Variants in AGT observed in about 807,000 individuals in gnomAD.
AGT encodes alpha-1 antiproteinase, antitrypsin.
AGT carries 26 observed loss-of-function variants against 28.1 expected under a neutral mutation model. The observed-to-expected ratio is 0.92, with a 90% CI of 0.68 to 1.28. The LOEUF is 1.28. Ranked by LOEUF, AGT falls within the 50% of genes most tolerant of loss-of-function variation. The probability of loss-of-function intolerance (pLI) is 0.00; values close to 1 mark genes in which losing one functional copy is unlikely to be tolerated. For missense variants in AGT, 596 were observed against 592.3 expected (o/e 1.01, Z -0.06); for synonymous variants, 259 against 259.6 (o/e 1.00, Z 0.02).
chr1:230,740,534 A>G (rs994262307), intron 1 of AGT, among the ~76,000 whole-genome samples: 2 of 152,242 alleles, frequency 1.3e-5, no homozygotes, highest in Non-Finnish European at 2.9e-5. Flanking sequence ...AAGAAGAGAG[A>G]TAGAGTAAGA....
chr1:230,704,059 C>A, intron 4 of AGT, 134 bp downstream of exon 4: 1 of 1,363,658 alleles, frequency 7.3e-7, no homozygotes, highest in African/African-American at 1.4e-5. Context: ...TCTCTCCCAC[C>A]TTTGGCCCTA....
At chr1:230,738,643 C>T (rs988072464) in intron 1 of AGT, among the ~76,000 whole-genome samples, 7 of 152,238 alleles carry the variant, frequency 4.6e-5, no homozygotes, top group South Asian at 2.1e-4. Flanking sequence ...CTGGCTAATG[C>T]TACCTTGCCA....
chr1:230,744,573 G>A (rs958612083), intron 1 of AGT, among the ~76,000 whole-genome samples: 4 of 152,156 alleles, frequency 2.6e-5, no homozygotes, highest in Non-Finnish European at 5.9e-5. Context: ...TGGTTCTGGA[G>A]GATTGTTAAA....
rs765914094 is a variant in AGT, at chr1:230,702,854, C to T, written c.*287G>A. The T allele has an allele frequency of 5.9e-5, 27 of 456,586 alleles. 1 individual carries two copies. The highest frequency in any genetic ancestry group is 4.8e-4 in the East Asian group (13 of 27,098). 28.3% of individuals were successfully genotyped at this position (456,586 alleles called of 1,614,324 possible). On this transcript the variant is annotated 3_prime_UTR_variant, in exon 5 of 5. Transcript: ENST00000366667. ...AATTCTTTTTGGAACAGTAGTCCCG[C>T]GCTAAACACTGGTTCTTGCCTCCCC... is the stretch of plus-strand genomic sequence containing the variant.
intron 1 of AGT, among the ~76,000 whole-genome samples, chr1:230,740,272 G>A (rs1481554676): frequency 2.0e-5 from 3 of 152,164 alleles, no homozygotes; most frequent in South Asian, 4.1e-4. Context: ...GTTTTAGTGG[G>A]TTTTGGCAGC....
intron 3 of AGT, 120 bp from the exon 4 acceptor site, chr1:230,704,457 A>G (rs1048773872): frequency 1.5e-6 from 2 of 1,312,568 alleles, no homozygotes; most frequent in Non-Finnish European, 2.1e-6. Flanking sequence ...TGCTCCCCCC[A>G]TCACCCAACT....
chr1:230,744,929 A>G (rs1042374156), intron 1 of AGT, among the ~76,000 whole-genome samples: 1 of 152,170 alleles, frequency 6.6e-6, no homozygotes, highest in African/African-American at 2.4e-5. Context: ...TTCCCTGCCG[A>G]GGTGTCACCA....
In AGT at chr1:230,711,817, A is replaced by T. The variant is rs765186969; in HGVS notation, c.-30-964T>A. On this transcript the variant is annotated intron_variant, in intron 1 of 4. Transcript: ENST00000366667. ...CTTAGTCTGTGCTGGGACCACGTAT[A>T]AAAAAAAAAAAAAAAAAATAGAAAA... 5.5e-4 allele frequency among the ~76,000 whole-genome samples: 16 copies of T among 28,912 alleles called. No individual in the cohort carries two copies. In the African/African-American group the frequency reaches 7.5e-3, roughly 14 times the overall value. 19.0% of individuals were successfully genotyped at this position (28,912 alleles called of 152,430 possible).
chr1:230,736,144 C>T (rs1304734790), intron 1 of AGT, among the ~76,000 whole-genome samples: 1 of 151,482 alleles, frequency 6.6e-6, no homozygotes, highest in Non-Finnish European at 1.5e-5. Flanking sequence ...TTCTGAAACA[C>T]ATTTATGTTT....
At chr1:230,723,426 T>C (rs1663883051) in intron 1 of AGT, among the ~76,000 whole-genome samples, 1 of 152,248 alleles carries the variant, frequency 6.6e-6, no homozygotes, top group Non-Finnish European at 1.5e-5. Flanking sequence ...AATTCAATTC[T>C]ATTAAGCACA....
upstream of AGT, among the ~76,000 whole-genome samples, chr1:230,715,995 C>G (rs948300359): frequency 6.6e-6 from 1 of 152,126 alleles, no homozygotes; most frequent in Non-Finnish European, 1.5e-5. Flanking sequence ...CTAAATTTGG[C>G]CTCTAAGCAA....
At chr1:230,719,413 T>TTGTTTGTTTGTTTTTGTTTTTG (rs1222341198), upstream of AGT, among the ~76,000 whole-genome samples, 2 of 59,138 alleles carry the variant, frequency 3.4e-5, no homozygotes, top group African/African-American at 1.8e-4. Flanking sequence ...TATGTTTTTT[T>TTGTTTGTTTGTTTTTGTTTTTG]TTTTTTTTTT....
intron 1 of AGT, among the ~76,000 whole-genome samples, chr1:230,723,041 CAA>C (rs1028362756): frequency 6.6e-6 from 1 of 152,164 alleles, no homozygotes; most frequent in African/African-American, 2.4e-5. Context: ...CCCCATGTGT[CAA>C]GAGAGGGAGG....
At chr1:230,716,331 T>C (rs939622642), upstream of AGT, among the ~76,000 whole-genome samples, 3 of 152,236 alleles carry the variant, frequency 2.0e-5, no homozygotes, top group African/African-American at 7.2e-5. Context: ...TCTGTGTTCA[T>C]TCCATCAGTG....
chr1:230,717,681 A>C (rs939726071), upstream of AGT, among the ~76,000 whole-genome samples: 2 of 152,178 alleles, frequency 1.3e-5, no homozygotes, highest in African/African-American at 2.4e-5. Flanking sequence ...CCTGCATCCC[A>C]TGATGGATCC....
At chr1:230,735,988 G>A (rs1012123851) in intron 1 of AGT, among the ~76,000 whole-genome samples, 5 of 152,166 alleles carry the variant, frequency 3.3e-5, no homozygotes, top group African/African-American at 9.7e-5. Flanking sequence ...TCATTTAGGC[G>A]GGGTTTGGGA....
intron 1 of AGT, among the ~76,000 whole-genome samples, chr1:230,727,053 A>C (rs1394169425): frequency 6.6e-6 from 1 of 152,202 alleles, no homozygotes. Flanking sequence ...TGTTTTCTAC[A>C]CTGAGGATAT....
intron 1 of AGT, among the ~76,000 whole-genome samples, chr1:230,744,375 G>T (rs370809869): frequency 6.7e-4 from 102 of 152,332 alleles, no homozygotes; most frequent in African/African-American, 2.3e-3. Context: ...CTGGGAGCAG[G>T]ATTAGACGCT....
chr1:230,736,765 C>T (rs981551921), intron 1 of AGT, among the ~76,000 whole-genome samples: 5 of 152,036 alleles, frequency 3.3e-5, no homozygotes, highest in African/African-American at 7.2e-5. Context: ...TTTCAAAGCC[C>T]CAAAGCTCAG....
Sources: allele counts gnomAD v4.1 joint callset (sites outside exome capture counted in the v4.1 genomes callset), GRCh38; gene constraint gnomAD v4.1.1; transcripts MANE v1.5; gene names NCBI Gene and HGNC (gene_info 2026-07-23, HGNC 2026-07-21).